Variants in PCSK2 observed in about 807,000 individuals in gnomAD.
PCSK2 encodes neuroendocrine convertase 2.
Under a neutral mutation model 69.7 loss-of-function variants are expected in PCSK2, and 14 were observed. The ratio of observed to expected loss-of-function variants is 0.20; its 90% CI spans 0.13 to 0.31. PCSK2 has a LOEUF of 0.31. Ranked by LOEUF, PCSK2 falls within the 10% of genes least tolerant of loss-of-function variation. The probability of loss-of-function intolerance (pLI) is 1.00; values close to 1 mark genes in which losing one functional copy is unlikely to be tolerated. For missense variants in PCSK2, 544 were observed against 842.5 expected (o/e 0.65, Z 4.39); for synonymous variants, 307 against 320.7 (o/e 0.96, Z 0.46).
At chr20:17,332,795 T>TTGTATGTA (rs1296848147) in intron 2 of PCSK2, among the ~76,000 whole-genome samples, 4 of 152,180 alleles carry the variant, frequency 2.6e-5, no homozygotes, top group African/African-American at 9.7e-5. Context: ...GTTGATGGTT[T>TTGTATGTA]TCACCGTAGC....
At chr20:17,263,400 G>A (rs1184951462) in intron 2 of PCSK2, among the ~76,000 whole-genome samples, 1 of 152,194 alleles carries the variant, frequency 6.6e-6, no homozygotes, top group Non-Finnish European at 1.5e-5. Flanking sequence ...TAAAAGATTA[G>A]CTGACTGCCA....
chr20:17,275,112 T>TAC lies in PCSK2; in HGVS notation c.282+14769_282+14770insCA, dbSNP rs1555783895. 2.7e-4 allele frequency among the ~76,000 whole-genome samples: 36 copies of TAC among 135,256 alleles called. No homozygotes were observed. In the South Asian group the frequency reaches 6.8e-3, roughly 25 times the overall value. 88.7% of individuals were successfully genotyped at this position (135,256 alleles called of 152,430 possible). The stretch of plus-strand genomic sequence containing the variant: ...ATATATATATATATATATATATATA[T>TAC]AATGTTGGGCGACTAATGAAAAATG... On this transcript the variant is annotated intron_variant, in intron 2 of 11. Transcript: ENST00000262545.
At chr20:17,341,800 G>A (rs1990516777) in intron 2 of PCSK2, among the ~76,000 whole-genome samples, 1 of 152,176 alleles carries the variant, frequency 6.6e-6, no homozygotes, top group Admixed American at 6.5e-5. Context: ...ATAACCACAT[G>A]TGCTCTCAAA....
intron 2 of PCSK2, among the ~76,000 whole-genome samples, chr20:17,356,874 AC>A (rs1255820602): frequency 2.6e-5 from 4 of 152,058 alleles, no homozygotes; most frequent in African/African-American, 9.7e-5. Context: ...GGAAAGAGAC[AC>A]CCACAGAGGC....
At chr20:17,387,996 A>T (rs1403240374) in intron 5 of PCSK2, among the ~76,000 whole-genome samples, 1 of 152,206 alleles carries the variant, frequency 6.6e-6, no homozygotes, top group East Asian at 1.9e-4. Flanking sequence ...CCCTATGCTG[A>T]TACCTTAAGA....
intron 2 of PCSK2, among the ~76,000 whole-genome samples, chr20:17,299,243 T>C (rs73897879): frequency 0.018 from 2,814 of 152,264 alleles, 94 homozygotes; most frequent in African/African-American, 0.065. Context: ...TACCCTCAAA[T>C]TGTTAAGCAA....
chr20:17,394,917 C>T (rs1337831703), intron 5 of PCSK2, among the ~76,000 whole-genome samples: 3 of 152,182 alleles, frequency 2.0e-5, no homozygotes, highest in Non-Finnish European at 4.4e-5. Context: ...TGAAAAGAAC[C>T]AGAAGTGCAT....
chr20:17,357,726 C>T (rs568714460), intron 2 of PCSK2, among the ~76,000 whole-genome samples: 2 of 152,112 alleles, frequency 1.3e-5, no homozygotes, highest in South Asian at 2.1e-4. Context: ...GAAGCCCTGT[C>T]TCTACTAAAA....
In PCSK2 at chr20:17,263,080, G is replaced by A. The variant is rs75518971; in HGVS notation, c.282+2736G>A. On this transcript the variant is annotated intron_variant, in intron 2 of 11. Coordinates refer to ENST00000262545, the MANE Select transcript of PCSK2 (RefSeq NM_002594.5). ...CGCTTTCAGGGCTTCATCTACTGAG[G>A]TAGCTTTTTGACCAAAGAAACCTCC... 6.8e-3 allele frequency: 6,320 copies of A among 933,826 alleles called. 35 individuals are homozygous for A. Among genetic ancestry groups the A allele is most frequent in the Non-Finnish European group, 7.7e-3 (6,019 of 782,962 alleles). The allele number at this position is 933,826 out of a possible 1,614,324, so 57.8% of individuals were successfully genotyped here. A position where few individuals can be genotyped will look rare whatever the true frequency, so the allele number is the denominator to read the frequency against.
chr20:17,320,698 G>A (rs1334956463), intron 2 of PCSK2, among the ~76,000 whole-genome samples: 2 of 152,186 alleles, frequency 1.3e-5, no homozygotes, highest in Non-Finnish European at 2.9e-5. Flanking sequence ...CCGCTGGAGG[G>A]TGCTCGGGGA....
In PCSK2 at chr20:17,393,598, A is replaced by T. The variant is rs114842951; in HGVS notation, c.544-15665A>T. Among the ~76,000 whole-genome samples the T allele has an allele frequency of 8.8e-3, 1,335 of 152,260 alleles. 21 individuals are homozygous for T. The highest frequency in any genetic ancestry group is 0.029 in the African/African-American group (1,216 of 41,552). Reference sequence around the variant, plus strand: ...TTTTTTTTCAATCACTATTAAGCACAGTTGAGTTAAATCCAGTAAGCATTC... The same window carrying T: ...TTTTTTTTCAATCACTATTAAGCACTGTTGAGTTAAATCCAGTAAGCATTC... On this transcript the variant is annotated intron_variant, in intron 5 of 11. Transcript: ENST00000262545.
chr20:17,364,611 AC>A (rs1254547461), intron 4 of PCSK2, among the ~76,000 whole-genome samples: 5 of 152,070 alleles, frequency 3.3e-5, no homozygotes, highest in Non-Finnish European at 5.9e-5. Context: ...GGGGGAACCC[AC>A]CCCCATGATT....
At chr20:17,433,814 C>CTCTCTCTCT (rs1555795288) in intron 7 of PCSK2, among the ~76,000 whole-genome samples, 2,711 of 70,828 alleles carry the variant, frequency 0.038, 448 homozygotes, top group Middle Eastern at 0.098. Flanking sequence ...TCTCTCTCTC[C>CTCTCTCTCT]CCCCACTTCC....
At chr20:17,463,956 T>G (rs986185123) in intron 10 of PCSK2, 1 of 152,210 alleles carries the variant, frequency 6.6e-6, no homozygotes, top group African/African-American at 2.4e-5. Flanking sequence ...AATTTTGCAC[T>G]GCAGCTCAGC....
At chr20:17,462,872 A>G (rs1259912814) in intron 10 of PCSK2, among the ~76,000 whole-genome samples, 1 of 152,238 alleles carries the variant, frequency 6.6e-6, no homozygotes, top group Non-Finnish European at 1.5e-5. Context: ...TTTAATAACT[A>G]TCACCTGTAA....
At chr20:17,284,287 A>T (rs1034229344) in intron 2 of PCSK2, among the ~76,000 whole-genome samples, 3 of 152,232 alleles carry the variant, frequency 2.0e-5, no homozygotes, top group African/African-American at 7.2e-5. Flanking sequence ...CCCCGTATAC[A>T]TGAACTCTGA....
intron 5 of PCSK2, among the ~76,000 whole-genome samples, chr20:17,391,375 A>G (rs2123271550): frequency 6.6e-6 from 1 of 152,340 alleles, no homozygotes; most frequent in Non-Finnish European, 1.5e-5. Flanking sequence ...TAATGAGGAA[A>G]TAAAACACAT....
chr20:17,402,328 T>G (rs1239383738), intron 5 of PCSK2, among the ~76,000 whole-genome samples: 3 of 152,238 alleles, frequency 2.0e-5, no homozygotes, highest in Non-Finnish European at 4.4e-5. Flanking sequence ...CCAAGTCTGC[T>G]GATAATGGTG....
chr20:17,459,408 A>G (rs1240640143), intron 10 of PCSK2, among the ~76,000 whole-genome samples: 1 of 152,200 alleles, frequency 6.6e-6, no homozygotes, highest in East Asian at 1.9e-4. Context: ...TGGTGAACAT[A>G]CAGATACATT....
Sources: allele counts gnomAD v4.1 joint callset (sites outside exome capture counted in the v4.1 genomes callset), GRCh38; gene constraint gnomAD v4.1.1; transcripts MANE v1.5; gene names NCBI Gene and HGNC (gene_info 2026-07-23, HGNC 2026-07-21).